Variants in STT3A observed in about 807,000 individuals in gnomAD.
The protein encoded by STT3A is dolichyl-diphosphooligosaccharide--protein glycosyltransferase subunit STT3A.
In STT3A, 34 loss-of-function variants were observed where a neutral mutation model predicts 89.2. The observed-to-expected ratio is 0.38, with a 90% confidence interval of 0.29 to 0.51. The LOEUF (loss-of-function observed/expected upper bound fraction) is 0.51, where lower values mean the gene tolerates loss of function less well. Among genes scored for constraint, STT3A ranks in the 20% least tolerant of loss-of-function variants. The pLI, the probability that STT3A is intolerant of heterozygous loss-of-function variation, is 0.89. For synonymous variants in STT3A, 282 were observed against 310.3 expected, an observed-to-expected ratio of 0.91 and a Z score of 0.96; for missense variants, 555 against 889.5, an observed-to-expected ratio of 0.62 and a Z score of 4.78.
rs750373548 is a variant in STT3A at position 125,618,352 on chromosome 11, C to CT, written c.1775-8dup. The stretch of plus-strand genomic sequence containing the variant: ...CAGCAACTTTTGTGATGCAGCAGTT[C>CT]TTTTTTTTTTTTTCTCCTAGATATC... On this transcript the variant is annotated intron_variant, in intron 15 of 17. Transcript: ENST00000392708. 104,315 of 1,079,614 alleles carry CT rather than the reference C, an allele frequency of 0.097. No individual in the cohort carries two copies. Among genetic ancestry groups the CT allele is most frequent in the South Asian group, 0.11 (6,713 of 62,974 alleles). 66.9% of individuals were successfully genotyped at this position (1,079,614 alleles called of 1,614,324 possible). A position where few individuals can be genotyped will look rare whatever the true frequency, so the allele number is the denominator to read the frequency against.
At chr11:125,608,469 C>T (rs1183657433) in intron 9 of STT3A, 180 bp downstream of exon 9, 10 of 520,494 alleles carry the variant, frequency 1.9e-5, no homozygotes, top group Admixed American at 4.1e-5. Flanking sequence ...CGCCTGCCAC[C>T]GCGCCCGCCA....
chr11:125,598,102 C>T (rs959443006), intron 3 of STT3A, among the ~76,000 whole-genome samples: 1 of 152,158 alleles, frequency 6.6e-6, no homozygotes, highest in Non-Finnish European at 1.5e-5. Flanking sequence ...ATCCCAGCTA[C>T]TCTAGAGACT....
At chr11:125,598,217 A>G (rs1939555490) in intron 3 of STT3A, among the ~76,000 whole-genome samples, 1 of 152,164 alleles carries the variant, frequency 6.6e-6, no homozygotes, top group African/African-American at 2.4e-5. Flanking sequence ...ATCTCAAAAA[A>G]AAAAGAAAAA....
exon 18 of STT3A, chr11:125,623,068 CAAAAA>C (rs57731974): frequency 8.5e-5 from 5 of 59,160 alleles, no homozygotes; most frequent in Admixed American, 2.1e-4. Context: ...AAGACTGTCT[CAAAAA>C]AAAAAAAAAA....
chr11:125,608,090 C>A lies in STT3A; in HGVS notation c.781-19C>A. ...ATTTTTTTTCCTTAGTATTAACATA[C>A]ATATCCTTTTACCTACAGCCTGTCC... On this transcript the variant is annotated intron_variant, in intron 8 of 17. Transcript: ENST00000392708. 1 of 1,585,010 alleles carries A rather than the reference C, an allele frequency of 6.3e-7. No homozygotes were observed. Among genetic ancestry groups the A allele is most frequent in the Non-Finnish European group, 8.6e-7 (1 of 1,168,070 alleles).
intron 8 of STT3A, among the ~76,000 whole-genome samples, chr11:125,606,912 T>C (rs1295082262): frequency 6.6e-6 from 1 of 152,188 alleles, no homozygotes; most frequent in African/African-American, 2.4e-5. Flanking sequence ...CAAAGAATAA[T>C]GTGGTATGTT....
intron 16 of STT3A, 80 bp downstream of exon 16, chr11:125,618,641 C>G: frequency 7.2e-7 from 1 of 1,390,194 alleles, no homozygotes; most frequent in South Asian, 1.4e-5. Context: ...ATGCCAAGCA[C>G]TAGTAAGTGC....
intron 5 of STT3A, among the ~76,000 whole-genome samples, 198 bp downstream of exon 5, chr11:125,603,146 C>T (rs999395626): frequency 6.6e-5 from 10 of 151,962 alleles, no homozygotes; most frequent in Admixed American, 1.3e-4. Flanking sequence ...ACTGTTTGTC[C>T]TTATGAGAGT....
rs149906495 is a variant in STT3A at position 125,608,231 on chromosome 11, C to T, written c.903C>T (p.Ser301=). The T allele has an allele frequency of 4.3e-6, 7 of 1,614,046 alleles. No homozygotes were observed. In the African/African-American group the frequency reaches 5.3e-5, roughly 12 times the overall value. ...NPQQFEVLFR[S]VISLVGFVLL... ...AACAATTTGAAGTTCTTTTCCGGAG[C>T]GTCATCTCTCTGGTAGGCTTTGTCC... Residue 301 remains serine (S), a synonymous_variant, in exon 9 of 18, where the codon AGC becomes AGT. Transcript: ENST00000392708.
intron 6 of STT3A, 68 bp downstream of exon 6, chr11:125,604,315 G>A (rs1443918098): frequency 6.6e-7 from 1 of 1,505,904 alleles, no homozygotes; most frequent in Non-Finnish European, 9.2e-7. Context: ...ACAAAGTGCA[G>A]TCTATGGTTT....
At chr11:125,603,006 C>A (rs562899030) in intron 5 of STT3A, 58 bp downstream of exon 5, 3 of 1,598,774 alleles carry the variant, frequency 1.9e-6, no homozygotes, top group Non-Finnish European at 1.7e-6. Context: ...CCTCTCTAAT[C>A]GATGCTGGAG....
rs571058617 is a variant in STT3A at position 125,598,177 on chromosome 11, A to G, written c.149+1058A>G. Among the ~76,000 whole-genome samples, 129 of 152,016 alleles carry G rather than the reference A, an allele frequency of 8.5e-4. 1 individual carries two copies. The highest frequency in any genetic ancestry group is 1.6e-3 in the Non-Finnish European group (110 of 67,978). ...CAGTGAGCCAAGATCATGCCACTGCACTCCTGCCTGGGCTACAGAGCAAGG... is the reference window on the plus strand; with the variant it reads ...CAGTGAGCCAAGATCATGCCACTGCGCTCCTGCCTGGGCTACAGAGCAAGG... On this transcript the variant is annotated intron_variant, in intron 3 of 17. Transcript: ENST00000392708.
At chr11:125,612,942 G>A in intron 12 of STT3A, 47 bp from the exon 13 acceptor site, 1 of 1,601,846 alleles carries the variant, frequency 6.2e-7, no homozygotes, top group Middle Eastern at 1.7e-4. Context: ...TGTGTTGTGT[G>A]AATTTAGTTT....
chr11:125,591,893 C>T (rs503287), upstream of STT3A: 128,469 of 154,234 alleles, frequency 0.83, 53,957 homozygotes, highest in South Asian at 0.94. Context: ...TAAAGGTGTA[C>T]ACGTGCGAGT....
Position 125,602,273 on chromosome 11 carries a change from A to G in STT3A, c.150-30A>G, listed in dbSNP as rs375881919. 3.9e-5 allele frequency: 62 copies of G among 1,604,688 alleles called. No individual in the cohort carries two copies. The African/African-American group carries it at 7.5e-4, about 19-fold the overall frequency. ...TCCTGAGGAGCAAAATTCACCACAA[A>G]TTTACAACAAAGTTTATTTCTTGCT... On this transcript the variant is annotated intron_variant, in intron 3 of 17. Coordinates refer to ENST00000392708, the MANE Select transcript of STT3A (RefSeq NM_152713.5).
chr11:125,598,673 C>T (rs1258711776), intron 3 of STT3A, among the ~76,000 whole-genome samples: 1 of 152,126 alleles, frequency 6.6e-6, no homozygotes, highest in Non-Finnish European at 1.5e-5. Flanking sequence ...GGAGTGATCA[C>T]GGCTTACTGC....
intron 1 of STT3A, among the ~76,000 whole-genome samples, chr11:125,594,568 G>A (rs895922002): frequency 8.5e-6 from 1 of 117,502 alleles, no homozygotes; most frequent in African/African-American, 3.2e-5. Context: ...TGGCGACAGA[G>A]CAAGACTCCG....
intron 3 of STT3A, among the ~76,000 whole-genome samples, chr11:125,598,550 G>A (rs1939569001): frequency 6.6e-6 from 1 of 152,004 alleles, no homozygotes; most frequent in South Asian, 2.1e-4. Flanking sequence ...ATTCTGTTTG[G>A]GGCCTCCCAA....
At chr11:125,620,248 A>G (rs1940310440) in intron 17 of STT3A, 122 bp downstream of exon 17, 1 of 728,298 alleles carries the variant, frequency 1.4e-6, no homozygotes, top group Non-Finnish European at 2.2e-6. Context: ...GTGCTTGAAA[A>G]GTAGCTTGCA....
Sources: gnomAD v4.1 joint callset for allele counts (sites outside exome capture counted in the v4.1 genomes callset) on GRCh38, gnomAD v4.1.1 for gene constraint, MANE v1.5 for transcripts, NCBI Gene and HGNC (gene_info 2026-07-23, HGNC 2026-07-21) for gene names.